Variants in CTNNA2 observed in about 807,000 individuals in gnomAD.
CTNNA2 encodes the protein catenin alpha-2.
A neutral mutation model predicts 101.0 loss-of-function variants in CTNNA2; 42 were observed. The ratio of observed to expected loss-of-function variants is 0.42; its 90% CI spans 0.32 to 0.54. The LOEUF is 0.54. Ranked by LOEUF, CTNNA2 falls within the 20% of genes least tolerant of loss-of-function variation. The pLI is 0.14. For missense variants in CTNNA2, 871 were observed against 1,223.1 expected, an observed-to-expected ratio of 0.71 and a Z score of 4.29; for synonymous variants, 450 against 456.4, an observed-to-expected ratio of 0.99 and a Z score of 0.18.
chr2:79,565,486 C>T (rs1675054398), intron 1 of CTNNA2, among the ~76,000 whole-genome samples: 1 of 152,084 alleles, frequency 6.6e-6, no homozygotes, highest in South Asian at 2.1e-4. Context: ...GAGAGCATGT[C>T]TGGGCAGGAA....
intron 7 of CTNNA2, among the ~76,000 whole-genome samples, chr2:79,943,443 C>G (rs1189575881): frequency 2.0e-5 from 3 of 152,270 alleles, no homozygotes; most frequent in African/African-American, 7.2e-5. Context: ...CCTGGTGACT[C>G]TGAGTATCAT....
chr2:79,494,929 T>TGAAACCCCG (rs1671240091), intron 4 of CTNNA2, among the ~76,000 whole-genome samples: 1 of 151,508 alleles, frequency 6.6e-6, no homozygotes, highest in South Asian at 2.1e-4. Flanking sequence ...GCTAACACGG[T>TGAAACCCCG]TCTCTACTAA....
chr2:80,188,843 G>T (rs1423898558), intron 7 of CTNNA2, among the ~76,000 whole-genome samples: 1 of 152,186 alleles, frequency 6.6e-6, no homozygotes, highest in Admixed American at 6.5e-5. Flanking sequence ...ACATTTGCAG[G>T]GTCCTGAGAT....
intron 7 of CTNNA2, among the ~76,000 whole-genome samples, chr2:80,071,346 G>A (rs574474882): frequency 3.9e-5 from 6 of 152,312 alleles, no homozygotes; most frequent in South Asian, 2.1e-4. Flanking sequence ...GCCGTCAATT[G>A]TAGCATCCCG....
chr2:80,489,491 A>T lies in CTNNA2; in HGVS notation c.1291-55491A>T, dbSNP rs1210544247. ...CTTTCTTTTTCAGTAGATCATCCTG[A>T]ACATATTAGCCTCAGGTTGCTGGAA... is the stretch of plus-strand genomic sequence containing the variant. On this transcript the variant is annotated intron_variant, in intron 9 of 18. Transcript: ENST00000402739. 2.0e-5 allele frequency among the ~76,000 whole-genome samples: 3 copies of T among 152,308 alleles called. No homozygotes were observed. The East Asian group carries it at 5.8e-4, about 29-fold the overall frequency.
At chr2:80,364,626 G>A (rs933245774) in intron 7 of CTNNA2, among the ~76,000 whole-genome samples, 2 of 129,920 alleles carry the variant, frequency 1.5e-5, no homozygotes, top group Middle Eastern at 4.6e-3. Flanking sequence ...CTTGATTTAA[G>A]TACTTTGTAT....
At chr2:79,441,351 T>C (rs1376589873) in intron 4 of CTNNA2, among the ~76,000 whole-genome samples, 2 of 152,178 alleles carry the variant, frequency 1.3e-5, no homozygotes, top group Admixed American at 1.3e-4. Flanking sequence ...TATTGTATTT[T>C]TATGGTTTCA....
chr2:79,948,621 A>G lies in CTNNA2; in HGVS notation c.1056+38824A>G, dbSNP rs560186971. On this transcript the variant is annotated intron_variant, in intron 7 of 18. Transcript: ENST00000402739. ...GAAGAAAGAGGAGACAATTTATCCA[A>G]GAGGACAGTCCATGTCTATTCCAGG... is the stretch of plus-strand genomic sequence containing the variant. 5.3e-5 allele frequency among the ~76,000 whole-genome samples: 8 copies of G among 152,248 alleles called. No individual in the cohort carries two copies. The East Asian group carries it at 5.8e-4, about 11-fold the overall frequency.
intron 7 of CTNNA2, among the ~76,000 whole-genome samples, chr2:80,012,154 C>T (rs1574537316): frequency 6.6e-6 from 1 of 152,140 alleles, no homozygotes; most frequent in African/African-American, 2.4e-5. Flanking sequence ...GGTCCCAGGG[C>T]TCTCATTGCC....
intron 1 of CTNNA2, among the ~76,000 whole-genome samples, chr2:79,542,020 T>C (rs1373893548): frequency 6.6e-6 from 1 of 152,172 alleles, no homozygotes; most frequent in Non-Finnish European, 1.5e-5. Flanking sequence ...AACTGAGAGC[T>C]TTCTGGCCTT....
intron 4 of CTNNA2, among the ~76,000 whole-genome samples, chr2:79,420,680 A>G (rs1243751328): frequency 1.3e-5 from 2 of 152,174 alleles, no homozygotes; most frequent in Non-Finnish European, 2.9e-5. Flanking sequence ...TATCTCAAAG[A>G]GTTGTTTAGA....
intron 1 of CTNNA2, among the ~76,000 whole-genome samples, chr2:79,197,334 A>C (rs980215971): frequency 1.3e-5 from 2 of 151,946 alleles, no homozygotes; most frequent in Non-Finnish European, 2.9e-5. Flanking sequence ...GGAGCTAACA[A>C]AAGGTGTAGC....
At chr2:79,508,505 A>C (rs1671460501), upstream of CTNNA2, among the ~76,000 whole-genome samples, 1 of 152,192 alleles carries the variant, frequency 6.6e-6, no homozygotes, top group Admixed American at 6.5e-5. Context: ...AGACATATTA[A>C]AGCTTATTCT....
chr2:79,348,014 C>T (rs1677300889), intron 3 of CTNNA2, among the ~76,000 whole-genome samples: 1 of 151,994 alleles, frequency 6.6e-6, no homozygotes. Flanking sequence ...GACTTGTGTA[C>T]AGAGCAGTAA....
At chr2:80,151,750 T>C (rs528455480) in intron 7 of CTNNA2, among the ~76,000 whole-genome samples, 2 of 152,296 alleles carry the variant, frequency 1.3e-5, no homozygotes, top group Admixed American at 6.5e-5. Context: ...CCGATTTCTG[T>C]GTAATGGCTG....
At chr2:80,638,590 T>C (rs11898413) in intron 18 of CTNNA2, among the ~76,000 whole-genome samples, 10,557 of 152,224 alleles carry the variant, frequency 0.069, 417 homozygotes, top group African/African-American at 0.099. Flanking sequence ...GAGATTTCCA[T>C]GTTAGAAAGA....
intron 7 of CTNNA2, among the ~76,000 whole-genome samples, chr2:80,036,980 A>G (rs532392469): frequency 1.3e-4 from 20 of 152,312 alleles, no homozygotes; most frequent in African/African-American, 4.8e-4. Flanking sequence ...CTTCAGGATC[A>G]TATAGATATT....
intron 4 of CTNNA2, among the ~76,000 whole-genome samples, chr2:79,420,127 A>G (rs1445817078): frequency 6.6e-6 from 1 of 152,144 alleles, no homozygotes; most frequent in Non-Finnish European, 1.5e-5. Flanking sequence ...AGCCTAAGAT[A>G]TGACTCTGGG....
intron 4 of CTNNA2, among the ~76,000 whole-genome samples, chr2:79,386,470 T>C (rs1183187827): frequency 6.6e-6 from 1 of 152,186 alleles, no homozygotes; most frequent in Admixed American, 6.5e-5. Context: ...TAGAATGCAC[T>C]TTTTTCTTCT....
Sources: gnomAD v4.1 joint callset for allele counts (sites outside exome capture counted in the v4.1 genomes callset) on GRCh38, gnomAD v4.1.1 for gene constraint, MANE v1.5 for transcripts, NCBI Gene and HGNC (gene_info 2026-07-23, HGNC 2026-07-21) for gene names.